The following ZNF83 variants were observed in gnomAD, a reference collection of about 807,000 sequenced individuals.
The protein encoded by ZNF83 is zinc finger protein 83, also known as zinc finger protein 816B.
For synonymous variants in ZNF83, 209 were observed against 213.0 expected (o/e 0.98, Z 0.17); for missense variants, 552 against 629.9 (o/e 0.88, Z 1.32).
At chr19:52,615,466 C>T (rs1039414034) in intron 2 of ZNF83, among the ~76,000 whole-genome samples, 1 of 152,108 alleles carries the variant, frequency 6.6e-6, no homozygotes, top group East Asian at 1.9e-4. Context: ...GGGCCAGGTG[C>T]GGTGGCTCAT....
chr19:52,623,625 C>T (rs2147112951), intron 2 of ZNF83, among the ~76,000 whole-genome samples: 1 of 152,192 alleles, frequency 6.6e-6, no homozygotes, highest in East Asian at 1.9e-4. Flanking sequence ...TCTTGTATCC[C>T]CCCACCTTAA....
At chr19:52,655,430 T>C in intron 3 of ZNF83, 1 of 869,214 alleles carries the variant, frequency 1.2e-6, no homozygotes, top group South Asian at 1.6e-5. Flanking sequence ...AGGAGGATCA[T>C]CACTGCAGAA....
At chr19:52,641,183 C>A (rs2061300432), upstream of ZNF83, among the ~76,000 whole-genome samples, 1 of 152,082 alleles carries the variant, frequency 6.6e-6, no homozygotes, top group Non-Finnish European at 1.5e-5. Flanking sequence ...TTGTTCCAGG[C>A]ACCGCCCCCA....
intron 3 of ZNF83, chr19:52,652,608 A>G: frequency 2.2e-6 from 1 of 444,570 alleles, no homozygotes; most frequent in South Asian, 1.8e-5. Flanking sequence ...GCTATGAACA[A>G]TGTCTGAAAT....
chr19:52,644,267 C>T (rs1024141464), intron 3 of ZNF83, among the ~76,000 whole-genome samples: 1 of 151,796 alleles, frequency 6.6e-6, no homozygotes, highest in African/African-American at 2.4e-5. Context: ...AAAAAAGCCA[C>T]ATCCAGACAC....
chr19:52,671,973 CT>C (rs1254031875), intron 1 of ZNF83, among the ~76,000 whole-genome samples: 1 of 152,136 alleles, frequency 6.6e-6, no homozygotes, highest in Non-Finnish European at 1.5e-5. Context: ...TGACTCACAC[CT>C]GTAATCCCAG....
intron 1 of ZNF83, among the ~76,000 whole-genome samples, chr19:52,671,928 A>C (rs78002007): frequency 0.031 from 4,660 of 152,256 alleles, 80 homozygotes; most frequent in Non-Finnish European, 0.048. Context: ...GGCCCTGAAA[A>C]AATATAACTA....
chr19:52,645,544 C>T (rs900664705), intron 3 of ZNF83, among the ~76,000 whole-genome samples: 2 of 152,122 alleles, frequency 1.3e-5, no homozygotes, highest in Admixed American at 6.5e-5. Context: ...CAGATGCTCA[C>T]GCCTGTAATC....
chr19:52,630,344 A>G lies in ZNF83; in HGVS notation c.-234+4722T>C, dbSNP rs139285071. On this transcript the variant is annotated intron_variant, in intron 2 of 2. Coordinates refer to ENST00000301096, the Ensembl canonical transcript of ZNF83. Reference sequence around the variant, plus strand: ...AGTCAGTCTGTCCCCTTCTTAATCAATACGGAGGCTACCCACTCCACATTA... The same window carrying G: ...AGTCAGTCTGTCCCCTTCTTAATCAGTACGGAGGCTACCCACTCCACATTA... Among the ~76,000 whole-genome samples the G allele has an allele frequency of 1.3e-3, 193 of 152,142 alleles. 1 individual carries two copies. Among genetic ancestry groups the G allele is most frequent in the African/African-American group, 2.5e-3 (102 of 41,516 alleles).
At chr19:52,682,702 AAAAAGAAAAAG>A (rs1555791869) in intron 1 of ZNF83, among the ~76,000 whole-genome samples, 6 of 54,218 alleles carry the variant, frequency 1.1e-4, no homozygotes, top group African/African-American at 3.9e-4. Flanking sequence ...AAAGAAAAAG[AAAAAGAAAAAG>A]AAAAGATGTA....
At chr19:52,620,292 G>A (rs902087964) in intron 2 of ZNF83, among the ~76,000 whole-genome samples, 45 of 149,320 alleles carry the variant, frequency 3.0e-4, no homozygotes, top group South Asian at 1.5e-3. Context: ...GTGTGTGTGT[G>A]TATATATAGT....
At chr19:52,628,277 C>A (rs1252747863) in intron 2 of ZNF83, among the ~76,000 whole-genome samples, 1 of 152,110 alleles carries the variant, frequency 6.6e-6, no homozygotes, top group Non-Finnish European at 1.5e-5. Context: ...GAGGAAGATC[C>A]ACCTACGACC....
chr19:52,613,370 T>C (rs763800141), exon 3 of ZNF83: 32 of 1,613,616 alleles, frequency 2.0e-5, no homozygotes, highest in African/African-American at 2.7e-5. Flanking sequence ...TTGTAAGGTT[T>C]CTCTCCAGTA....
At chr19:52,655,703 C>T (rs576540808) in intron 2 of ZNF83, 2 of 970,734 alleles carry the variant, frequency 2.1e-6, no homozygotes, top group Admixed American at 2.1e-5. Flanking sequence ...ATTAAACACA[C>T]ATTTCAACAA....
intron 1 of ZNF83, among the ~76,000 whole-genome samples, chr19:52,687,604 TATATATA>T (rs1568588916): frequency 2.3e-4 from 9 of 38,974 alleles, no homozygotes; most frequent in East Asian, 1.4e-3. Context: ...ATAATGTATA[TATATATA>T]ATGTGTATAT....
chr19:52,684,817 C>T (rs2147366586), intron 1 of ZNF83, among the ~76,000 whole-genome samples: 1 of 152,182 alleles, frequency 6.6e-6, no homozygotes, highest in Admixed American at 6.5e-5. Context: ...GTGACTGGGG[C>T]AGAGGGAGTC....
chr19:52,655,992 A>G (rs2061499317), intron 2 of ZNF83, among the ~76,000 whole-genome samples: 1 of 151,466 alleles, frequency 6.6e-6, no homozygotes, highest in Non-Finnish European at 1.5e-5. Flanking sequence ...GGGTGTATCA[A>G]CTGAGCTCAG....
chr19:52,613,057 T>C, exon 3 of ZNF83: 1 of 1,608,042 alleles, frequency 6.2e-7, no homozygotes, highest in South Asian at 1.1e-5. Context: ...AAATCTCTGA[T>C]GACGTACAAG....
At chr19:52,683,740 A>G (rs2061967022) in intron 1 of ZNF83, among the ~76,000 whole-genome samples, 1 of 152,168 alleles carries the variant, frequency 6.6e-6, no homozygotes, top group African/African-American at 2.4e-5. Context: ...TGCCACAGGA[A>G]GTTTAGATCA....
Sources: gnomAD v4.1 joint callset for allele counts (sites outside exome capture counted in the v4.1 genomes callset) on GRCh38, gnomAD v4.1.1 for gene constraint, MANE v1.5 for transcripts, NCBI Gene and HGNC (gene_info 2026-07-23, HGNC 2026-07-21) for gene names.